The following RNF125 variants were observed in gnomAD, a reference collection of about 807,000 sequenced individuals.
The protein encoded by RNF125 is E3 ubiquitin-protein ligase RNF125.
RNF125 carries 21 observed loss-of-function variants against 26.0 expected under a neutral mutation model. The observed-to-expected ratio is 0.81, with a 90% CI of 0.57 to 1.16. The LOEUF (loss-of-function observed/expected upper bound fraction) is 1.16, where lower values mean the gene tolerates loss of function less well. Ranked by LOEUF, RNF125 falls within the 50% of genes most tolerant of loss-of-function variation. RNF125 has a pLI of 0.00. For synonymous variants in RNF125, 95 were observed against 109.2 expected (o/e 0.87, Z 0.81); for missense variants, 270 against 299.4 (o/e 0.90, Z 0.72).
the RNF125 span, among the ~76,000 whole-genome samples, chr18:32,078,655 AG>A: frequency 1.8e-4 from 28 of 152,132 alleles, no homozygotes; most frequent in Non-Finnish European, 2.1e-4. Context: ...AAAAAAGAAA[AG>A]AAAAAAAATA....
chr18:32,055,830 T>C (rs2039375308), intron 4 of RNF125, among the ~76,000 whole-genome samples: 1 of 151,636 alleles, frequency 6.6e-6, no homozygotes, highest in Non-Finnish European at 1.5e-5. Flanking sequence ...AAATACAAAA[T>C]TAGCCGGGTG....
intron 1 of RNF125, among the ~76,000 whole-genome samples, chr18:32,028,113 A>C (rs947357994): frequency 6.6e-6 from 1 of 151,688 alleles, no homozygotes; most frequent in African/African-American, 2.4e-5. Context: ...CCTGGCTAAC[A>C]TGGTGAAACC....
the RNF125 span, among the ~76,000 whole-genome samples, chr18:32,080,952 T>A: frequency 4.6e-5 from 7 of 152,118 alleles, no homozygotes. Context: ...TTTGGGAGGC[T>A]GAGGCAGGCG....
chr18:32,023,182 T>C (rs1255282971), intron 1 of RNF125, among the ~76,000 whole-genome samples: 3 of 152,082 alleles, frequency 2.0e-5, no homozygotes. Context: ...AGATGGAGTC[T>C]CACTCTGTCA....
rs2144524123 is a variant in RNF125 at position 32,071,362 on chromosome 18, G to A, written c.*2978G>A. 6.6e-6 allele frequency: 1 copy of A among 152,130 alleles called. No individual in the cohort carries two copies. Among genetic ancestry groups the A allele is most frequent in the Non-Finnish European group, 1.5e-5 (1 of 68,066 alleles). The allele number at this position is 152,130 out of a possible 1,614,324, so 9.4% of individuals were successfully genotyped here. On this transcript the variant is annotated 3_prime_UTR_variant, in exon 6 of 6. Coordinates refer to ENST00000217740, the MANE Select transcript of RNF125 (RefSeq NM_017831.4). ...TTGGCCAGGCTGGTTTTGAACTCCT[G>A]ACCTCAAGTGATCCACCTGTGTTGG...
the RNF125 span, among the ~76,000 whole-genome samples, chr18:32,083,986 G>A: frequency 1.3e-5 from 2 of 152,074 alleles, no homozygotes; most frequent in Non-Finnish European, 1.5e-5. Context: ...AAAAGAAAGG[G>A]AGAAAGGGAG....
rs1249845081 is a variant in RNF125 at position 32,072,728 on chromosome 18, T to C, written c.*4344T>C. 6.6e-6 allele frequency: 1 copy of C among 152,224 alleles called. No homozygotes were observed. Among genetic ancestry groups the C allele is most frequent in the Non-Finnish European group, 1.5e-5 (1 of 68,044 alleles). 9.4% of individuals were successfully genotyped at this position (152,224 alleles called of 1,614,324 possible). On this transcript the variant is annotated 3_prime_UTR_variant, in exon 6 of 6. Transcript: ENST00000217740. The stretch of plus-strand genomic sequence containing the variant: ...GATTACCAACAAAAAAGTTTCACTC[T>C]CTTTATAGTGCTTCAGGATACAACT...
chr18:32,084,872 G>A, the RNF125 span, among the ~76,000 whole-genome samples: 1 of 152,196 alleles, frequency 6.6e-6, no homozygotes, highest in Non-Finnish European at 1.5e-5. Flanking sequence ...GAAAATTCAT[G>A]TTCATAATGA....
intron 4 of RNF125, among the ~76,000 whole-genome samples, chr18:32,059,543 T>G (rs938176167): frequency 1.3e-5 from 2 of 152,230 alleles, no homozygotes; most frequent in African/African-American, 4.8e-5. Context: ...GATGAGGAGT[T>G]TGCAAATATT....
At chr18:32,065,077 G>T (rs757712032) in intron 4 of RNF125, among the ~76,000 whole-genome samples, 1 of 152,152 alleles carries the variant, frequency 6.6e-6, no homozygotes, top group South Asian at 2.1e-4. Context: ...ATATGAGCAA[G>T]AAATGCATAT....
chr18:32,078,797 T>TTTTCTAAGGTGAATTTCTA, the RNF125 span, among the ~76,000 whole-genome samples: 3 of 152,330 alleles, frequency 2.0e-5, no homozygotes, highest in East Asian at 5.8e-4. Context: ...TCTAAGGTTT[T>TTTTCTAAGGTGAATTTCTA]AGGAAATATT....
At chr18:32,022,826 A>G (rs182483180) in intron 1 of RNF125, among the ~76,000 whole-genome samples, 1 of 151,880 alleles carries the variant, frequency 6.6e-6, no homozygotes, top group Non-Finnish European at 1.5e-5. Context: ...TTTTCTCTAC[A>G]GATGCAAGTC....
At chr18:32,043,427 A>G (rs1467579361) in intron 3 of RNF125, among the ~76,000 whole-genome samples, 1 of 152,226 alleles carries the variant, frequency 6.6e-6, no homozygotes, top group Admixed American at 6.5e-5. Flanking sequence ...TCTAAACCTA[A>G]AAGTCTAAAC....
chr18:32,056,371 G>A (rs1014447932), intron 4 of RNF125, among the ~76,000 whole-genome samples: 8 of 152,072 alleles, frequency 5.3e-5, no homozygotes, highest in African/African-American at 1.9e-4. Context: ...CAGCACTTTG[G>A]GAGGCTGAGG....
chr18:32,081,598 C>G, the RNF125 span, among the ~76,000 whole-genome samples: 1 of 152,116 alleles, frequency 6.6e-6, no homozygotes, highest in Admixed American at 6.6e-5. Flanking sequence ...CCCATTTTAA[C>G]TTAATTACTT....
At chr18:32,085,772 TCA>T in the RNF125 span, among the ~76,000 whole-genome samples, 26 of 149,446 alleles carry the variant, frequency 1.7e-4, no homozygotes, top group African/African-American at 6.4e-4. Flanking sequence ...TCCTGATCTC[TCA>T]TTGGTGCCTC....
chr18:32,057,623 C>A (rs1215167584), intron 4 of RNF125, among the ~76,000 whole-genome samples: 1 of 152,138 alleles, frequency 6.6e-6, no homozygotes, highest in Non-Finnish European at 1.5e-5. Flanking sequence ...GCATGAGCTA[C>A]CGCGCCTGGT....
At position 32,018,915 on chromosome 18, in the gene RNF125, A is replaced by T. The variant is rs1487628195; in HGVS notation, c.52A>T (p.Thr18Ser). 1 of 1,608,638 alleles carries T rather than the reference A, an allele frequency of 6.2e-7. No homozygotes were observed. Among genetic ancestry groups the T allele is most frequent in the Non-Finnish European group, 8.5e-7 (1 of 1,177,800 alleles). Residue 18 changes from threonine (T) to serine (S), a missense_variant, in exon 1 of 6, where the codon ACC becomes TCC. Coordinates refer to ENST00000217740, the MANE Select transcript of RNF125 (RefSeq NM_017831.4). The part of the protein sequence containing the change: ...DSGKSAPASA[T>S]ARALERRRDP... ...CGGCAAATCGGCGCCCGCCTCTGCC[A>T]CCGCGCGGGCCCTGGAGCGCAGGAG... is the stretch of plus-strand genomic sequence containing the variant.
intron 4 of RNF125, among the ~76,000 whole-genome samples, chr18:32,064,396 C>CT (rs775086863): frequency 0.024 from 2,056 of 86,770 alleles, 142 homozygotes; most frequent in African/African-American, 0.066. Context: ...TTTTCTTTTT[C>CT]TTTTTTTTTT....
Sources: allele counts gnomAD v4.1 joint callset (sites outside exome capture counted in the v4.1 genomes callset), GRCh38; gene constraint gnomAD v4.1.1; transcripts MANE v1.5; gene names NCBI Gene and HGNC (gene_info 2026-07-23, HGNC 2026-07-21).